TTC21A: variants seen among roughly 807,000 people sequenced by gnomAD.
TTC21A encodes the protein tetratricopeptide repeat protein 21A.
In TTC21A, 128 loss-of-function variants were observed where a neutral mutation model predicts 156.4. The ratio of observed to expected loss-of-function variants is 0.82; its 90% CI spans 0.71 to 0.95. The LOEUF is 0.95. Among genes scored for constraint, TTC21A ranks in the 40% least tolerant of loss-of-function variants. TTC21A has a pLI of 0.00. For missense variants in TTC21A, 1,435 were observed against 1,602.3 expected (o/e 0.90, Z 1.78); for synonymous variants, 587 against 617.1 (o/e 0.95, Z 0.72).
At chr3:39,116,711 A>T (rs1482556284) in intron 6 of TTC21A, among the ~76,000 whole-genome samples, 1 of 152,054 alleles carries the variant, frequency 6.6e-6, no homozygotes, top group East Asian at 1.9e-4. Context: ...CTCAAATGAT[A>T]TTCTTGCCTC....
intron 1 of TTC21A, chr3:39,108,254 A>G: frequency 3.4e-6 from 1 of 292,976 alleles, no homozygotes; most frequent in Non-Finnish European, 6.4e-6. Context: ...TCTACAAGAA[A>G]TGCCAGCTCC....
intron 2 of TTC21A, among the ~76,000 whole-genome samples, chr3:39,109,468 A>G (rs1300564807): frequency 2.0e-5 from 3 of 152,196 alleles, no homozygotes; most frequent in African/African-American, 7.2e-5. Context: ...GGTTGGAGAG[A>G]TAGCTGCATG....
rs572623556 is a variant in TTC21A at position 39,133,209 on chromosome 3, A to T, written c.2720A>T (p.Asp907Val). Reference protein sequence around the residue: ...EYDKAVQSYKDVFSYLPTDNK... With the variant: ...EYDKAVQSYKVVFSYLPTDNK... The stretch of plus-strand genomic sequence containing the variant: ...GACAAGGCGGTACAGTCTTATAAGG[A>T]TGTCTTCTCCTACTTGCCAACTGAC... The change falls in exon 20 of 29, where the codon GAT (aspartate) becomes GTT (valine). Residue 907 changes from aspartate (D) to valine (V), a missense_variant. Asp to Val is a radical substitution (Grantham distance 152). Transcript: ENST00000683103. 1.2e-6 allele frequency: 2 copies of T among 1,613,836 alleles called. No homozygotes were observed. Among genetic ancestry groups the T allele is most frequent in the East Asian group, 4.5e-5 (2 of 44,874 alleles).
intron 22 of TTC21A, 106 bp from the exon 23 acceptor site, chr3:39,136,251 C>T: frequency 8.1e-7 from 1 of 1,230,008 alleles, no homozygotes; most frequent in Non-Finnish European, 1.1e-6. Context: ...TGTCCCTGCT[C>T]AGCCCAGATG....
In TTC21A at chr3:39,114,677, C is replaced by T. The variant is rs372525739; in HGVS notation, c.651C>T (p.Leu217=). The T allele has an allele frequency of 3.2e-5, 51 of 1,614,194 alleles. No homozygotes were observed. Among genetic ancestry groups the T allele is most frequent in the Middle Eastern group, 1.6e-4 (1 of 6,062 alleles). The stretch of plus-strand genomic sequence containing the variant: ...CTTCAGGGAGCTTCCTGCCAGCCCT[C>T]GTCCTGAAGATGCAGCTGTTCTTAG... ...TVTSGSFLPA[L]VLKMQLFLAR... The change falls in exon 6 of 29, where the codon CTC becomes CTT. Residue 217 remains leucine (L), a synonymous_variant. Transcript: ENST00000683103.
In TTC21A at chr3:39,114,622, C is replaced by T; in HGVS notation, c.596C>T (p.Ala199Val). Residue 199 changes from alanine (A) to valine (V), a missense_variant, in exon 6 of 29, where the codon GCC becomes GTC. Coordinates refer to ENST00000683103, the MANE Select transcript of TTC21A (RefSeq NM_001366900.1). The part of the protein sequence containing the change: ...YFMMQQNYSE[A>V]LEVVNQITVT... ...ATGATGCAGCAGAACTACTCAGAGGCCCTGGAGGTGGTGAACCAGATCACT... is the reference window on the plus strand; with the variant it reads ...ATGATGCAGCAGAACTACTCAGAGGTCCTGGAGGTGGTGAACCAGATCACT... 1.2e-6 allele frequency: 2 copies of T among 1,614,210 alleles called. No homozygotes were observed. Among genetic ancestry groups the T allele is most frequent in the African/African-American group, 1.3e-5 (1 of 75,064 alleles).
intron 11 of TTC21A, 99 bp downstream of exon 11, chr3:39,125,631 A>C: frequency 1.1e-6 from 1 of 895,922 alleles, no homozygotes; most frequent in Non-Finnish European, 1.9e-6. Flanking sequence ...GGCCAGTCAC[A>C]AGTAAGGATG....
chr3:39,109,883 C>G, intron 2 of TTC21A, 146 bp from the exon 3 acceptor site: 3 of 619,238 alleles, frequency 4.8e-6, no homozygotes, highest in Non-Finnish European at 8.6e-6. Flanking sequence ...CAAAGAGCCC[C>G]AATCTTCAGG....
intron 19 of TTC21A, among the ~76,000 whole-genome samples, chr3:39,132,421 G>A (rs913890025): frequency 1.3e-5 from 2 of 152,254 alleles, no homozygotes; most frequent in Non-Finnish European, 2.9e-5. Flanking sequence ...CAGGGGTGTG[G>A]CCTCAAACTT....
chr3:39,135,818 AC>A, intron 22 of TTC21A, among the ~76,000 whole-genome samples: 1 of 152,126 alleles, frequency 6.6e-6, no homozygotes, highest in Non-Finnish European at 1.5e-5. Flanking sequence ...CACTTTGGGA[AC>A]CCGAGGCGGG....
At chr3:39,127,201 C>T (rs1486394120) in intron 12 of TTC21A, among the ~76,000 whole-genome samples, 2 of 152,178 alleles carry the variant, frequency 1.3e-5, no homozygotes, top group Non-Finnish European at 2.9e-5. Flanking sequence ...AGTACTGTCT[C>T]CCTGTGGCCT....
At chr3:39,118,195 A>G (rs1179027414) in intron 7 of TTC21A, 42 bp downstream of exon 7, 19 of 1,584,748 alleles carry the variant, frequency 1.2e-5, no homozygotes, top group Non-Finnish European at 1.6e-5. Flanking sequence ...TTGAAACAGA[A>G]TCAAGGAGGA....
chr3:39,114,888 A>G, intron 6 of TTC21A, 146 bp downstream of exon 6: 1 of 866,426 alleles, frequency 1.2e-6, no homozygotes, highest in Admixed American at 2.2e-5. Context: ...GGGATGAGGA[A>G]GAGAGCAGGG....
chr3:39,118,393 C>T (rs1029515850), intron 7 of TTC21A: 1 of 572,214 alleles, frequency 1.7e-6, no homozygotes, highest in Admixed American at 3.0e-5. Flanking sequence ...CTGCCATGTG[C>T]TATCTGTGGA....
Position 39,130,995 on chromosome 3 carries a change from A to G in TTC21A, c.2462A>G (p.Gln821Arg). ...LKQALEHDIVQDIPSMMNDVK... is the reference protein window; with the variant it reads ...LKQALEHDIVRDIPSMMNDVK... ...AATTTGAGTTTCCATTTAACAGTCC[A>G]AGACATCCCATCCATGATGAATGAT... The change falls in exon 19 of 29, where the codon CAA becomes CGA. Residue 821 changes from glutamine (Q) to arginine (R), a missense_variant. Transcript: ENST00000683103. The surrounding 1 kb of genome is among the most constrained non-coding windows in gnomAD (Gnocchi z 4.5). The G allele has an allele frequency of 6.2e-7, 1 of 1,613,902 alleles. No homozygotes were observed. The highest frequency in any genetic ancestry group is 8.5e-7 in the Non-Finnish European group (1 of 1,179,944).
At position 39,109,215 on chromosome 3, in the gene TTC21A, G is replaced by GCCT; in HGVS notation, c.157+1_157+2insCCT. 6.2e-7 allele frequency: 1 copy of GCCT among 1,612,724 alleles called. No individual in the cohort carries two copies. The highest frequency in any genetic ancestry group is 1.1e-5 in the South Asian group (1 of 91,054). ...AAAGCCTATGGAGTCCTCAAAGAAG[G>GCCT]TAAGGACTTGGCAGTGTTGGTCTTG... On this transcript the variant is annotated splice_donor_variant, in intron 2 of 28. Transcript: ENST00000683103. LOFTEE classifies it high-confidence loss of function.
At position 39,137,280 on chromosome 3, in the gene TTC21A, A is replaced by T. The variant is rs756630571; in HGVS notation, c.3343A>T (p.Ser1115Cys). 3 of 1,614,178 alleles carry T rather than the reference A, an allele frequency of 1.9e-6. No homozygotes were observed. The South Asian group carries it at 3.3e-5, about 18-fold the overall frequency. Residue 1115 changes from serine (S) to cysteine (C), a missense_variant, in exon 25 of 29, where the codon AGC becomes TGC. Physicochemically the swap from Ser to Cys is moderately radical, Grantham distance 112 (BLOSUM62 -1). Coordinates refer to ENST00000683103, the MANE Select transcript of TTC21A (RefSeq NM_001366900.1). ...LREFYPHSDS[S>C]QTQLRLLQGL... is the part of the protein sequence containing the mutation. The stretch of plus-strand genomic sequence containing the variant: ...TGAGTTTTACCCACATTCAGACTCC[A>T]GCCAGACCCAGCTGCGGCTGCTGCA...
rs2038973940 is a variant in TTC21A at position 39,134,560 on chromosome 3, G to T, written c.2862+232G>T. ...AATCTCCTGGGCCAGTCTAAGGTGGGGTGAGGTTGATTCACCCCAGGGGAA... is the reference window on the plus strand; with the variant it reads ...AATCTCCTGGGCCAGTCTAAGGTGGTGTGAGGTTGATTCACCCCAGGGGAA... On this transcript the variant is annotated intron_variant, in intron 21 of 28. Coordinates refer to ENST00000683103, the MANE Select transcript of TTC21A (RefSeq NM_001366900.1). The surrounding 1 kb of genome is among the most constrained non-coding windows in gnomAD (Gnocchi z 4.6). The T allele has an allele frequency of 1.6e-6, 1 of 615,026 alleles. No individual in the cohort carries two copies. Among genetic ancestry groups the T allele is most frequent in the East Asian group, 2.9e-5 (1 of 35,042 alleles). 38.1% of individuals were successfully genotyped at this position (615,026 alleles called of 1,614,324 possible).
At chr3:39,117,257 G>A (rs1364215589) in intron 6 of TTC21A, among the ~76,000 whole-genome samples, 4 of 152,212 alleles carry the variant, frequency 2.6e-5, no homozygotes, top group Non-Finnish European at 4.4e-5. Context: ...GAGGTTTACA[G>A]TGCTTTCAGA....
Sources: gnomAD v4.1 joint callset for allele counts (sites outside exome capture counted in the v4.1 genomes callset) on GRCh38, gnomAD v4.1.1 for gene constraint, Gnocchi (gnomAD v3.1) non-coding constraint, MANE v1.5 for transcripts, NCBI Gene and HGNC (gene_info 2026-07-23, HGNC 2026-07-21) for gene names.